PARP8: variants seen among roughly 807,000 people sequenced by gnomAD.
The protein encoded by PARP8 is poly(ADP-ribose) polymerase family member 8.
In PARP8, 51 loss-of-function variants were observed where a neutral mutation model predicts 124.1. That is an observed-to-expected ratio of 0.41 (90% CI 0.33 to 0.52). The LOEUF (loss-of-function observed/expected upper bound fraction) is 0.52, where lower values mean the gene tolerates loss of function less well. Ranked by LOEUF, PARP8 falls within the 20% of genes least tolerant of loss-of-function variation. The pLI, the probability that PARP8 is intolerant of heterozygous loss-of-function variation, is 0.21. For missense variants in PARP8, 860 were observed against 1,018.9 expected, an observed-to-expected ratio of 0.84 and a Z score of 2.12; for synonymous variants, 391 against 361.5, an observed-to-expected ratio of 1.08 and a Z score of -0.93.
chr5:50,694,901 A>G (rs1321954027), intron 2 of PARP8, among the ~76,000 whole-genome samples: 9 of 152,206 alleles, frequency 5.9e-5, no homozygotes, highest in South Asian at 4.1e-4. Flanking sequence ...CAAAAGCTGA[A>G]GAACTCGGAG....
chr5:50,803,858 G>T, intron 14 of PARP8, among the ~76,000 whole-genome samples: 1 of 151,824 alleles, frequency 6.6e-6, no homozygotes, highest in East Asian at 1.9e-4. Flanking sequence ...TTATTTCTTC[G>T]CATGCCTTTT....
intron 2 of PARP8, among the ~76,000 whole-genome samples, chr5:50,686,622 C>T (rs1043477189): frequency 1.3e-5 from 2 of 152,222 alleles, no homozygotes; most frequent in Admixed American, 6.5e-5. Flanking sequence ...CATGAGGGCC[C>T]TGCCCCCTAC....
intron 13 of PARP8, 27 bp from the exon 14 acceptor site, chr5:50,797,111 A>G: frequency 6.2e-7 from 1 of 1,609,674 alleles, no homozygotes; most frequent in Non-Finnish European, 8.5e-7. Context: ...GCTTGTCTTA[A>G]TTATTTTTCC....
At chr5:50,825,553 T>C (rs565275929) in intron 18 of PARP8, among the ~76,000 whole-genome samples, 1 of 152,318 alleles carries the variant, frequency 6.6e-6, no homozygotes, top group Admixed American at 6.5e-5. Context: ...AGAAGTCACC[T>C]TGCTGTGATG....
At chr5:50,797,990 G>A (rs1361577601) in intron 14 of PARP8, among the ~76,000 whole-genome samples, 2 of 151,936 alleles carry the variant, frequency 1.3e-5, no homozygotes, top group Non-Finnish European at 2.9e-5. Context: ...TCATCCCCTG[G>A]CAATTATGAA....
At chr5:50,712,706 G>A (rs1489105844) in intron 2 of PARP8, among the ~76,000 whole-genome samples, 1 of 152,178 alleles carries the variant, frequency 6.6e-6, no homozygotes, top group South Asian at 2.1e-4. Flanking sequence ...AATGTCATAA[G>A]TGACAAGATA....
intron 2 of PARP8, among the ~76,000 whole-genome samples, chr5:50,729,431 G>A (rs1001057368): frequency 2.6e-5 from 4 of 152,148 alleles, no homozygotes; most frequent in Non-Finnish European, 1.5e-5. Flanking sequence ...ATGATAAAAT[G>A]TAATGAAAGG....
At chr5:50,789,811 G>A (rs1741742467) in intron 10 of PARP8, among the ~76,000 whole-genome samples, 1 of 152,072 alleles carries the variant, frequency 6.6e-6, no homozygotes, top group Non-Finnish European at 1.5e-5. Flanking sequence ...CCTGGTTTAG[G>A]CCTTTCATAA....
chr5:50,673,996 A>G (rs1750333216), intron 2 of PARP8, among the ~76,000 whole-genome samples: 1 of 152,224 alleles, frequency 6.6e-6, no homozygotes, highest in Non-Finnish European at 1.5e-5. Context: ...GTCTATTTTA[A>G]TCAACTTATT....
chr5:50,698,817 T>A (rs1481889887), intron 2 of PARP8, among the ~76,000 whole-genome samples: 3 of 152,192 alleles, frequency 2.0e-5, no homozygotes, highest in African/African-American at 7.2e-5. Context: ...GAGTAGATGT[T>A]TAATAAACTA....
At chr5:50,750,062 G>T in intron 2 of PARP8, 89 bp from the exon 3 acceptor site, 1 of 993,716 alleles carries the variant, frequency 1.0e-6, no homozygotes, top group South Asian at 1.4e-5. Flanking sequence ...TAACTGAATG[G>T]GTAACATGGG....
intron 2 of PARP8, among the ~76,000 whole-genome samples, chr5:50,674,860 A>C (rs1327825864): frequency 6.6e-6 from 1 of 152,254 alleles, no homozygotes; most frequent in Non-Finnish European, 1.5e-5. Context: ...ATTAGAATAC[A>C]TAACGTTTTA....
intron 2 of PARP8, among the ~76,000 whole-genome samples, chr5:50,729,229 A>G (rs192878361): frequency 2.6e-5 from 4 of 152,338 alleles, no homozygotes; most frequent in East Asian, 1.9e-4. Flanking sequence ...TAACTAATCA[A>G]TTTGCAAAAG....
chr5:50,808,349 T>G (rs1288443180), intron 14 of PARP8, among the ~76,000 whole-genome samples: 1 of 151,946 alleles, frequency 6.6e-6, no homozygotes, highest in African/African-American at 2.4e-5. Flanking sequence ...ATCTACATTT[T>G]ATATGTGAAA....
At chr5:50,693,689 T>C (rs1752729037) in intron 2 of PARP8, among the ~76,000 whole-genome samples, 1 of 151,568 alleles carries the variant, frequency 6.6e-6, no homozygotes, top group Non-Finnish European at 1.5e-5. Flanking sequence ...AATTAAATTA[T>C]GTAAATTAAT....
chr5:50,667,556 G>GAGC (rs1451508791), intron 1 of PARP8: 12 of 697,492 alleles, frequency 1.7e-5, no homozygotes, highest in Non-Finnish European at 2.9e-5. Context: ...GCAATGGGCT[G>GAGC]AGCGGCGGCG....
At chr5:50,730,013 G>C (rs1305071525) in intron 2 of PARP8, among the ~76,000 whole-genome samples, 1 of 152,144 alleles carries the variant, frequency 6.6e-6, no homozygotes, top group African/African-American at 2.4e-5. Flanking sequence ...CTTTCTTAAA[G>C]TGAGCACATA....
intron 22 of PARP8, among the ~76,000 whole-genome samples, chr5:50,830,634 G>C (rs1357483163): frequency 6.6e-6 from 1 of 151,998 alleles, no homozygotes; most frequent in Non-Finnish European, 1.5e-5. Flanking sequence ...AACCTATTCT[G>C]GTTTAAATAT....
intron 3 of PARP8, among the ~76,000 whole-genome samples, chr5:50,754,150 T>TATATATATATATATATATAC (rs1312947286): frequency 5.4e-5 from 2 of 37,198 alleles, no homozygotes; most frequent in Admixed American, 2.6e-4. Context: ...TATATATATA[T>TATATATATATATATATATAC]ACACACACAC....
Sources: gnomAD v4.1 joint callset for allele counts (sites outside exome capture counted in the v4.1 genomes callset) on GRCh38, gnomAD v4.1.1 for gene constraint, MANE v1.5 for transcripts, NCBI Gene and HGNC (gene_info 2026-07-23, HGNC 2026-07-21) for gene names.